Variants in RYR2 observed in about 807,000 individuals in gnomAD.
RYR2 encodes the protein ryanodine receptor 2.
Under a neutral mutation model 601.1 loss-of-function variants are expected in RYR2, and 227 were observed. The observed-to-expected ratio is 0.38, with a 90% CI of 0.34 to 0.42. RYR2 has a LOEUF of 0.42. RYR2 is among the 10% of genes least tolerant of loss of function. RYR2 has a pLI of 1.00. For synonymous variants in RYR2, 2,223 were observed against 2,175.1 expected, an observed-to-expected ratio of 1.02 and a Z score of -0.61; for missense variants, 4,646 against 6,156.5, an observed-to-expected ratio of 0.75 and a Z score of 8.21.
At chr1:237,680,083 G>A (rs1685734301) in intron 61 of RYR2, among the ~76,000 whole-genome samples, 1 of 152,190 alleles carries the variant, frequency 6.6e-6, no homozygotes, top group African/African-American at 2.4e-5. Flanking sequence ...CTACCCTACA[G>A]AGCAGTTGCT....
intron 104 of RYR2, 116 bp downstream of exon 104, chr1:237,831,681 T>C: frequency 1.5e-6 from 1 of 647,888 alleles, no homozygotes; most frequent in Non-Finnish European, 2.7e-6. Context: ...ATATTAGTTG[T>C]GGTATCTTGA....
chr1:237,343,025 G>A (rs755054891), intron 3 of RYR2, among the ~76,000 whole-genome samples: 3 of 152,128 alleles, frequency 2.0e-5, no homozygotes, highest in Non-Finnish European at 2.9e-5. Flanking sequence ...CTTGGGCAAC[G>A]TGGTGACACT....
In RYR2 at chr1:237,699,658, G is replaced by A. The variant is rs148979312; in HGVS notation, c.9129-571G>A. On this transcript the variant is annotated intron_variant, in intron 64 of 104. Transcript: ENST00000366574. ...ATACTCTTTGATTATCCATTCTTGC[G>A]TTTAAGATTTCATTTAAGGTCTTTT... Among the ~76,000 whole-genome samples the A allele has an allele frequency of 1.7e-3, 253 of 152,272 alleles. 1 individual carries two copies. Among genetic ancestry groups the A allele is most frequent in the African/African-American group, 5.6e-3 (231 of 41,558 alleles).
intron 16 of RYR2, among the ~76,000 whole-genome samples, chr1:237,460,851 T>C (rs1402543843): frequency 6.6e-6 from 1 of 152,208 alleles, no homozygotes; most frequent in East Asian, 1.9e-4. Context: ...TGTTATAATA[T>C]ATAGAAAATG....
chr1:237,173,893 A>G (rs1349039528), intron 1 of RYR2, among the ~76,000 whole-genome samples: 2 of 152,058 alleles, frequency 1.3e-5, no homozygotes, highest in Admixed American at 6.6e-5. Context: ...CGTCTCTACT[A>G]AAAATACGAA....
At position 237,148,561 on chromosome 1, in the gene RYR2, C is replaced by CATATATATATATATATAT. The variant is rs1558320364; in HGVS notation, c.48+105993_48+105994insTATATATATATATATATA. On this transcript the variant is annotated intron_variant, in intron 1 of 104. Transcript: ENST00000366574. ...ATATATATATATATATATACACACA[C>CATATATATATATATATAT]ACATATATATATATATACACACACA... is the stretch of plus-strand genomic sequence containing the variant. Among the ~76,000 whole-genome samples, 237 of 109,718 alleles carry CATATATATATATATATAT rather than the reference C, an allele frequency of 2.2e-3. 1 individual carries two copies. Among genetic ancestry groups the CATATATATATATATATAT allele is most frequent in the African/African-American group, 8.7e-3 (233 of 26,788 alleles). The allele number at this position is 109,718 out of a possible 152,430, so 72.0% of individuals were successfully genotyped here.
chr1:237,655,558 G>A (rs544923783), intron 52 of RYR2, among the ~76,000 whole-genome samples: 1 of 152,218 alleles, frequency 6.6e-6, no homozygotes, highest in African/African-American at 2.4e-5. Flanking sequence ...CAATATTAAA[G>A]TTTACTTCAT....
intron 62 of RYR2, among the ~76,000 whole-genome samples, chr1:237,685,993 A>T (rs2148962169): frequency 6.6e-6 from 1 of 152,274 alleles, no homozygotes; most frequent in Admixed American, 6.5e-5. Context: ...TGATGGCCAA[A>T]ACTTACTGTA....
At chr1:237,635,856 C>T (rs1680820638) in intron 44 of RYR2, among the ~76,000 whole-genome samples, 1 of 152,190 alleles carries the variant, frequency 6.6e-6, no homozygotes, top group Non-Finnish European at 1.5e-5. Flanking sequence ...CTGGAACACG[C>T]CAACTGTGCT....
chr1:237,341,870 G>A (rs1024346506), intron 3 of RYR2, among the ~76,000 whole-genome samples: 10 of 152,124 alleles, frequency 6.6e-5, no homozygotes, highest in African/African-American at 2.2e-4. Context: ...AACCTTTTGG[G>A]TTCGGTAATC....
chr1:237,107,174 A>G (rs1329536800), intron 1 of RYR2, among the ~76,000 whole-genome samples: 1 of 152,168 alleles, frequency 6.6e-6, no homozygotes, highest in Non-Finnish European at 1.5e-5. Context: ...ACATCAAAAC[A>G]TCAATGGACA....
At chr1:237,370,902 C>T (rs576567487) in intron 6 of RYR2, among the ~76,000 whole-genome samples, 11 of 152,212 alleles carry the variant, frequency 7.2e-5, no homozygotes, top group African/African-American at 2.6e-4. Context: ...CCTGGTGATC[C>T]GCCTGCCTCG....
At chr1:237,206,415 T>C (rs1681826925) in intron 1 of RYR2, among the ~76,000 whole-genome samples, 1 of 152,218 alleles carries the variant, frequency 6.6e-6, no homozygotes, top group Admixed American at 6.5e-5. Context: ...TGAAGTTGGA[T>C]AGATAGCGTT....
chr1:237,700,609 G>A, intron 65 of RYR2, 142 bp downstream of exon 65: 1 of 602,628 alleles, frequency 1.7e-6, no homozygotes, highest in South Asian at 2.2e-5. Flanking sequence ...AACGTTATAG[G>A]TTGACATTTG....
At chr1:237,086,618 A>G (rs12059008) in intron 1 of RYR2, among the ~76,000 whole-genome samples, 4,440 of 152,154 alleles carry the variant, frequency 0.029, 141 homozygotes, top group African/African-American at 0.079. Flanking sequence ...GAGCCAGCAT[A>G]TTGCTTAACT....
chr1:237,228,222 G>A (rs974136930), intron 1 of RYR2, among the ~76,000 whole-genome samples: 20 of 152,094 alleles, frequency 1.3e-4, no homozygotes, highest in Non-Finnish European at 2.4e-4. Context: ...GAGAACATAC[G>A]ATGTTTGCTT....
intron 27 of RYR2, among the ~76,000 whole-genome samples, chr1:237,556,880 CAAAAAAAAAAAAA>C (rs869116177): frequency 2.3e-4 from 18 of 77,836 alleles, no homozygotes; most frequent in Non-Finnish European, 3.7e-4. Context: ...TCCCTCCCAC[CAAAAAAAAAAAAA>C]AAAAAAAAAA....
intron 8 of RYR2, among the ~76,000 whole-genome samples, chr1:237,386,149 C>T (rs1351129087): frequency 6.6e-6 from 1 of 152,086 alleles, no homozygotes; most frequent in Non-Finnish European, 1.5e-5. Flanking sequence ...CAAATTATTG[C>T]CAAGTCTTAT....
intron 24 of RYR2, among the ~76,000 whole-genome samples, chr1:237,515,478 G>A (rs1019649380): frequency 5.9e-5 from 9 of 152,132 alleles, no homozygotes; most frequent in Non-Finnish European, 8.8e-5. Flanking sequence ...AAGGATGGGA[G>A]GAATAGTAGG....
Sources: gnomAD v4.1 joint callset for allele counts (sites outside exome capture counted in the v4.1 genomes callset) on GRCh38, gnomAD v4.1.1 for gene constraint, MANE v1.5 for transcripts, NCBI Gene and HGNC (gene_info 2026-07-23, HGNC 2026-07-21) for gene names.